ABHD6: variants seen among roughly 807,000 people sequenced by gnomAD.
ABHD6 encodes abhydrolase domain containing 6, acylglycerol lipase, also known as monoacylglycerol lipase ABHD6.
In ABHD6, 33 loss-of-function variants were observed where a neutral mutation model predicts 38.8. The observed-to-expected ratio is 0.85, with a 90% CI of 0.64 to 1.14. The LOEUF (loss-of-function observed/expected upper bound fraction) is 1.14. Among genes scored for constraint, ABHD6 ranks in the 50% most tolerant of loss-of-function variants. ABHD6 has a pLI of 0.00. For missense variants in ABHD6, 380 were observed against 422.6 expected, an observed-to-expected ratio of 0.90 and a Z score of 0.88; for synonymous variants, 147 against 161.6, an observed-to-expected ratio of 0.91 and a Z score of 0.69.
In ABHD6 at chr3:58,261,517, G is replaced by A. The variant is rs372848655; in HGVS notation, c.119+4812G>A. Among the ~76,000 whole-genome samples the A allele has an allele frequency of 3.9e-4, 59 of 152,216 alleles. 1 individual carries two copies. The South Asian group carries it at 9.8e-3, about 25-fold the overall frequency. On this transcript the variant is annotated intron_variant, in intron 3 of 9. Coordinates refer to ENST00000478253, the MANE Select transcript of ABHD6 (RefSeq NM_001320126.2). ...GCTTCTAGAGTAACTGGGGCTACAG[G>A]TGTGTGCCACCTTGCCACCTAATTT...
In ABHD6 at chr3:58,285,709, G is replaced by A. The variant is rs1436772045; in HGVS notation, c.837+256G>A. On this transcript the variant is annotated intron_variant, in intron 9 of 9. Transcript: ENST00000478253. The surrounding 1 kb of genome is among the most constrained non-coding windows in gnomAD (Gnocchi z 4.9). ...AAATTGTTTTTATCAAAGCCATGTA[G>A]TCACATGGTATAAAAAGATCTTCAA... Among the ~76,000 whole-genome samples the A allele has an allele frequency of 6.6e-6, 1 of 152,188 alleles. No homozygotes were observed. The highest frequency in any genetic ancestry group is 1.5e-5 in the Non-Finnish European group (1 of 68,034).
chr3:58,274,443 G>A (rs1260485922), intron 6 of ABHD6, among the ~76,000 whole-genome samples: 2 of 152,206 alleles, frequency 1.3e-5, no homozygotes, highest in African/African-American at 4.8e-5. Context: ...CAGTGTGAGT[G>A]ACCAGTCCCT....
intron 9 of ABHD6, among the ~76,000 whole-genome samples, chr3:58,290,777 A>G (rs80125326): frequency 2.7e-5 from 4 of 145,588 alleles, no homozygotes; most frequent in South Asian, 2.2e-4. Flanking sequence ...CATCTCAGAC[A>G]ATGGGCGGCC....
At chr3:58,283,833 G>A (rs531350033) in intron 7 of ABHD6, among the ~76,000 whole-genome samples, 1 of 152,296 alleles carries the variant, frequency 6.6e-6, no homozygotes, top group South Asian at 2.1e-4. Flanking sequence ...TAGATATGTG[G>A]GTACAGGTGG....
intron 7 of ABHD6, among the ~76,000 whole-genome samples, chr3:58,281,683 G>A (rs961740213): frequency 2.6e-5 from 4 of 152,236 alleles, no homozygotes; most frequent in African/African-American, 9.6e-5. Flanking sequence ...CGTTGATCAC[G>A]CTGGATGCCG....
chr3:58,286,342 G>C (rs1285642005), intron 9 of ABHD6, among the ~76,000 whole-genome samples: 2 of 152,028 alleles, frequency 1.3e-5, no homozygotes, highest in Non-Finnish European at 2.9e-5. Flanking sequence ...TTTTAGTAGA[G>C]ACGGGGTTTC....
At chr3:58,262,028 A>C (rs2097437331) in intron 3 of ABHD6, among the ~76,000 whole-genome samples, 1 of 152,236 alleles carries the variant, frequency 6.6e-6, no homozygotes, top group Non-Finnish European at 1.5e-5. Context: ...ACTCTGATTC[A>C]TGCTATTAAC....
At chr3:58,249,486 C>T (rs1362653510) in intron 1 of ABHD6, among the ~76,000 whole-genome samples, 2 of 152,188 alleles carry the variant, frequency 1.3e-5, no homozygotes. Context: ...ACAATATTAT[C>T]CTCACTTGCC....
chr3:58,252,229 G>GTTTTTTTTTTT lies in ABHD6; in HGVS notation c.-26+2300_-26+2310dup, dbSNP rs10671892. On this transcript the variant is annotated intron_variant, in intron 2 of 9. Transcript: ENST00000478253. Reference sequence around the variant, plus strand: ...GCATTTTTCTTTAAATTGACTGCTTGTTTTTTTTTTTTTTTTTTTTTTTGG... The same window carrying GTTTTTTTTTTT: ...GCATTTTTCTTTAAATTGACTGCTTGTTTTTTTTTTTTTTTTTTTTTTTTTTTTTTTTTTGG... Among the ~76,000 whole-genome samples, 27 of 80,954 alleles carry GTTTTTTTTTTT rather than the reference G, an allele frequency of 3.3e-4. 2 individuals carry two copies. Among genetic ancestry groups the GTTTTTTTTTTT allele is most frequent in the African/African-American group, 4.7e-4 (9 of 19,272 alleles). 53.1% of individuals were successfully genotyped at this position (80,954 alleles called of 152,430 possible). A position where few individuals can be genotyped will look rare whatever the true frequency, so the allele number is the denominator to read the frequency against.
chr3:58,277,476 T>C (rs1242990236), intron 7 of ABHD6, among the ~76,000 whole-genome samples: 22 of 152,256 alleles, frequency 1.4e-4, no homozygotes, highest in Admixed American at 1.4e-3. Context: ...CCTGAGACTT[T>C]GCTGAAGTTG....
rs200676341 is a variant in ABHD6 at position 58,267,153 on chromosome 3, T to C, written c.120-36T>C. 2.5e-6 allele frequency: 4 copies of C among 1,609,978 alleles called. No individual in the cohort carries two copies. Among genetic ancestry groups the C allele is most frequent in the South Asian group, 1.1e-5 (1 of 90,800 alleles). The stretch of plus-strand genomic sequence containing the variant: ...TTGAAGCCACTCATCTAGAGCTTAC[T>C]GATTTCGTTTTGTCTTTATTTCTCA... On this transcript the variant is annotated intron_variant, in intron 3 of 9. Transcript: ENST00000478253. The surrounding 1 kb of genome is among the most constrained non-coding windows in gnomAD (Gnocchi z 4.3).
chr3:58,258,450 T>A (rs1435249719), intron 3 of ABHD6: 2 of 368,986 alleles, frequency 5.4e-6, no homozygotes, highest in Non-Finnish European at 1.1e-5. Context: ...GCCTTTCTCC[T>A]TGTTGGAATC....
chr3:58,291,500 C>T (rs1379398913), intron 9 of ABHD6, among the ~76,000 whole-genome samples: 1 of 152,156 alleles, frequency 6.6e-6, no homozygotes, highest in East Asian at 1.9e-4. Context: ...TTCAAGAGAT[C>T]TTCCCACCTC....
At chr3:58,280,044 G>A (rs915191726) in intron 7 of ABHD6, among the ~76,000 whole-genome samples, 5 of 152,096 alleles carry the variant, frequency 3.3e-5, no homozygotes, top group African/African-American at 9.7e-5. Context: ...TTTCAACCTT[G>A]CTGAATCTGA....
chr3:58,242,041 G>A (rs560680227), intron 1 of ABHD6, among the ~76,000 whole-genome samples: 1 of 152,346 alleles, frequency 6.6e-6, no homozygotes, highest in African/African-American at 2.4e-5. Flanking sequence ...GAGCGGCAGT[G>A]CTTTAATAGC....
chr3:58,241,091 C>T (rs1253670102), intron 1 of ABHD6, among the ~76,000 whole-genome samples: 2 of 152,130 alleles, frequency 1.3e-5, no homozygotes, highest in Non-Finnish European at 2.9e-5. Flanking sequence ...TAGGTAACAT[C>T]AAGTGGGTAG....
intron 9 of ABHD6, among the ~76,000 whole-genome samples, chr3:58,288,149 C>T (rs1316613983): frequency 6.6e-6 from 1 of 152,138 alleles, no homozygotes; most frequent in Non-Finnish European, 1.5e-5. Context: ...ATAGCAGAGG[C>T]TTCAGGGAGT....
In ABHD6 at chr3:58,256,984, A is replaced by G. The variant is rs1369506032; in HGVS notation, c.119+279A>G. ...AGTGGGATGATCTCAGCTCACTGCA[A>G]CCTCCACCTCCTGGCTTCAATCAAT... On this transcript the variant is annotated intron_variant, in intron 3 of 9. Transcript: ENST00000478253. This position sits in a 1 kb window ranked among gnomAD's most constrained non-coding sequence, Gnocchi z 4.3. 6.6e-6 allele frequency among the ~76,000 whole-genome samples: 1 copy of G among 151,852 alleles called. No homozygotes were observed. The highest frequency in any genetic ancestry group is 2.4e-5 in the African/African-American group (1 of 41,298).
chr3:58,247,241 T>G (rs1311465505), intron 1 of ABHD6, among the ~76,000 whole-genome samples: 1 of 152,030 alleles, frequency 6.6e-6, no homozygotes, highest in Non-Finnish European at 1.5e-5. Flanking sequence ...GGGCTCAAAG[T>G]GATCCTCCTG....
Sources: gnomAD v4.1 joint callset for allele counts (sites outside exome capture counted in the v4.1 genomes callset) on GRCh38, gnomAD v4.1.1 for gene constraint, Gnocchi (gnomAD v3.1) non-coding constraint, MANE v1.5 for transcripts, NCBI Gene and HGNC (gene_info 2026-07-23, HGNC 2026-07-21) for gene names.